ABCA4: variants seen among roughly 807,000 people sequenced by gnomAD.
The protein encoded by ABCA4 is retinal-specific phospholipid-transporting ATPase ABCA4.
A neutral mutation model predicts 263.7 loss-of-function variants in ABCA4; 196 were observed. The ratio of observed to expected loss-of-function variants is 0.74; its 90% CI spans 0.66 to 0.84. The LOEUF (loss-of-function observed/expected upper bound fraction) is 0.84. Among genes scored for constraint, ABCA4 ranks in the 40% least tolerant of loss-of-function variants. ABCA4 has a pLI of 0.00. For synonymous variants in ABCA4, 1,133 were observed against 1,094.2 expected, an observed-to-expected ratio of 1.04 and a Z score of -0.70; for missense variants, 2,792 against 2,855.1, an observed-to-expected ratio of 0.98 and a Z score of 0.50.
At chr1:94,119,435 C>T (rs140794304) in intron 1 of ABCA4, among the ~76,000 whole-genome samples, 123 of 152,288 alleles carry the variant, frequency 8.1e-4, no homozygotes, top group African/African-American at 2.6e-3. Flanking sequence ...ATGGTTGAAG[C>T]GTGTCCCATG....
chr1:94,007,575 C>T lies in ABCA4; in HGVS notation c.6005+59G>A, dbSNP rs934019986. Reference sequence around the variant, plus strand: ...CTATAGGGTCTGATGATCACCCTTCCTATTCTTCTCACAGGACCTGTGAGA... The same window carrying T: ...CTATAGGGTCTGATGATCACCCTTCTTATTCTTCTCACAGGACCTGTGAGA... On this transcript the variant is annotated intron_variant, in intron 43 of 49. Transcript: ENST00000370225. The T allele has an allele frequency of 1.1e-5, 16 of 1,443,646 alleles. No individual in the cohort carries two copies. In the African/African-American group the frequency reaches 2.2e-4, roughly 20 times the overall value. The allele number at this position is 1,443,646 out of a possible 1,614,324, so 89.4% of individuals were successfully genotyped here. A position where few individuals can be genotyped will look rare whatever the true frequency, so the allele number is the denominator to read the frequency against.
intron 11 of ABCA4, among the ~76,000 whole-genome samples, chr1:94,076,664 G>A (rs1661544952): frequency 6.6e-6 from 1 of 152,184 alleles, no homozygotes; most frequent in Admixed American, 6.5e-5. Context: ...GTTATTTGGG[G>A]GTCGAGTCAT....
At chr1:94,099,515 C>T (rs950334941) in intron 5 of ABCA4, among the ~76,000 whole-genome samples, 1 of 152,202 alleles carries the variant, frequency 6.6e-6, no homozygotes, top group Admixed American at 6.5e-5. Flanking sequence ...CATACCTCAT[C>T]TTATCAGAGT....
intron 44 of ABCA4, among the ~76,000 whole-genome samples, chr1:94,004,059 T>C (rs1659301799): frequency 6.6e-6 from 1 of 152,202 alleles, no homozygotes; most frequent in Non-Finnish European, 1.5e-5. Flanking sequence ...GGGTTACTTT[T>C]AGTGGGGAAT....
At chr1:94,059,540 C>T (rs769397223) in intron 14 of ABCA4, 2 of 152,208 alleles carry the variant, frequency 1.3e-5, no homozygotes. Context: ...GTTGTTTGAA[C>T]AGGATCTGAT....
At chr1:94,045,397 A>C (rs1401124081) in intron 19 of ABCA4, among the ~76,000 whole-genome samples, 1 of 151,312 alleles carries the variant, frequency 6.6e-6, no homozygotes, top group Non-Finnish European at 1.5e-5. Flanking sequence ...GAGTTAATAC[A>C]CTTACAACAT....
chr1:94,016,416 C>T (rs763863337), intron 36 of ABCA4, among the ~76,000 whole-genome samples: 2 of 152,096 alleles, frequency 1.3e-5, no homozygotes, highest in Admixed American at 6.5e-5. Context: ...GATATCCTTA[C>T]AGGAGGCTGA....
intron 20 of ABCA4, 93 bp from the exon 21 acceptor site, chr1:94,043,568 A>C: frequency 6.5e-7 from 1 of 1,541,904 alleles, no homozygotes; most frequent in Non-Finnish European, 8.8e-7. Flanking sequence ...AGTATTCTTG[A>C]TTTGGCAATC....
intron 26 of ABCA4, among the ~76,000 whole-genome samples, chr1:94,033,441 A>C (rs994267458): frequency 6.6e-6 from 1 of 152,078 alleles, no homozygotes; most frequent in Admixed American, 6.5e-5. Context: ...AAAAAAAGAA[A>C]AAAAAAAAGA....
At chr1:94,100,812 G>A (rs748981720) in intron 5 of ABCA4, among the ~76,000 whole-genome samples, 1 of 152,194 alleles carries the variant, frequency 6.6e-6, no homozygotes, top group African/African-American at 2.4e-5. Flanking sequence ...ACACAGAGGC[G>A]AGCTCCCATG....
intron 24 of ABCA4, 60 bp downstream of exon 24, chr1:94,039,983 C>T: frequency 7.1e-7 from 1 of 1,403,452 alleles, no homozygotes; most frequent in Non-Finnish European, 9.9e-7. Context: ...CAGGACACAC[C>T]CAGCAATACT....
At position 94,008,885 on chromosome 1, in the gene ABCA4, AG is replaced by A; in HGVS notation, c.5715-15del. ...GGCTCGGCAATCCTAGATGAAGAAA[AG>A]GGGTCAGGATTGGGCTGGCTGTACA... is the stretch of plus-strand genomic sequence containing the variant. On this transcript the variant is annotated splice_polypyrimidine_tract_variant and intron_variant, in intron 40 of 49. Transcript: ENST00000370225. 1.9e-6 allele frequency: 3 copies of A among 1,610,744 alleles called. No individual in the cohort carries two copies. The highest frequency in any genetic ancestry group is 2.5e-6 in the Non-Finnish European group (3 of 1,179,702).
intron 1 of ABCA4, among the ~76,000 whole-genome samples, chr1:94,115,546 T>C (rs1662735837): frequency 6.6e-6 from 1 of 152,186 alleles, no homozygotes; most frequent in Non-Finnish European, 1.5e-5. Flanking sequence ...GCCTGTTCCA[T>C]CTTAGCTATG....
chr1:94,003,875 C>T (rs185715313), intron 44 of ABCA4, among the ~76,000 whole-genome samples: 53 of 152,230 alleles, frequency 3.5e-4, no homozygotes, highest in African/African-American at 1.0e-3. Flanking sequence ...TGGGCTCAAG[C>T]GATCTTCCTA....
intron 14 of ABCA4, chr1:94,059,707 G>A (rs1344504219): frequency 2.6e-5 from 4 of 152,438 alleles, no homozygotes. Flanking sequence ...TCCATCTCAG[G>A]AGCCTGTAAA....
At chr1:94,043,514 A>C (rs747317196) in intron 20 of ABCA4, 39 bp from the exon 21 acceptor site, 2 of 1,613,154 alleles carry the variant, frequency 1.2e-6, no homozygotes, top group Non-Finnish European at 1.7e-6. Flanking sequence ...GTGGCTTAGC[A>C]CTTCCACTTC....
In ABCA4 at chr1:94,016,374, G is replaced by A. The variant is rs775267396; in HGVS notation, c.5197-520C>T. ...GGGCTTCCTCAGGGGGCAACCTGCC[G>A]TGGGGTGTGGAGGCCTCAACGGGAT... On this transcript the variant is annotated intron_variant, in intron 36 of 49. Coordinates refer to ENST00000370225, the MANE Select transcript of ABCA4 (RefSeq NM_000350.3). Among the ~76,000 whole-genome samples, 6 of 152,322 alleles carry A rather than the reference G, an allele frequency of 3.9e-5. No individual in the cohort carries two copies. In the East Asian group the frequency reaches 5.8e-4, roughly 15 times the overall value.
chr1:93,998,960 A>G (rs1246755816), intron 47 of ABCA4, among the ~76,000 whole-genome samples: 1 of 146,752 alleles, frequency 6.8e-6, no homozygotes, highest in Non-Finnish European at 1.5e-5. Flanking sequence ...TATGTTGGCC[A>G]GGCTGGTCTT....
At chr1:94,108,910 C>CT (rs963039467) in intron 3 of ABCA4, among the ~76,000 whole-genome samples, 194 bp from the exon 4 acceptor site, 1 of 151,840 alleles carries the variant, frequency 6.6e-6, no homozygotes, top group Non-Finnish European at 1.5e-5. Flanking sequence ...GTAGCTGGGA[C>CT]TACAGGCGCC....
Sources: gnomAD v4.1 joint callset for allele counts (sites outside exome capture counted in the v4.1 genomes callset) on GRCh38, gnomAD v4.1.1 for gene constraint, MANE v1.5 for transcripts, NCBI Gene and HGNC (gene_info 2026-07-23, HGNC 2026-07-21) for gene names.